The following NR3C1 variants were observed in gnomAD, a reference collection of about 807,000 sequenced individuals.
The protein encoded by NR3C1 is nuclear receptor subfamily 3 group C member 1, also known as glucocorticoid receptor.
NR3C1 carries 14 observed loss-of-function variants against 74.0 expected under a neutral mutation model. The observed-to-expected ratio is 0.19, with a 90% CI of 0.12 to 0.30. NR3C1 has a LOEUF of 0.30. Among genes scored for constraint, NR3C1 ranks in the 10% least tolerant of loss-of-function variants. NR3C1 has a pLI of 1.00. For synonymous variants in NR3C1, 308 were observed against 332.5 expected (o/e 0.93, Z 0.80); for missense variants, 695 against 909.8 (o/e 0.76, Z 3.04).
intron 2 of NR3C1, among the ~76,000 whole-genome samples, chr5:143,362,226 C>T (rs1174060943): frequency 6.6e-6 from 1 of 152,168 alleles, no homozygotes; most frequent in Non-Finnish European, 1.5e-5. Flanking sequence ...GTAAGAACAG[C>T]AAACTCTGTG....
At chr5:143,369,243 T>C (rs762888123) in intron 2 of NR3C1, among the ~76,000 whole-genome samples, 3 of 152,186 alleles carry the variant, frequency 2.0e-5, no homozygotes, top group Non-Finnish European at 4.4e-5. Context: ...ACATTGCTGA[T>C]GGGAGTGTAA....
At chr5:143,425,681 T>C (rs1027252533) in intron 1 of NR3C1, among the ~76,000 whole-genome samples, 2 of 152,132 alleles carry the variant, frequency 1.3e-5, no homozygotes, top group African/African-American at 4.8e-5. Context: ...TATCACTTCA[T>C]ACCCACTAGG....
intron 1 of NR3C1, among the ~76,000 whole-genome samples, chr5:143,423,249 T>C (rs1407261904): frequency 2.0e-5 from 3 of 152,196 alleles, no homozygotes; most frequent in African/African-American, 7.2e-5. Flanking sequence ...AAGGGATTAA[T>C]AAACAGAATA....
intron 2 of NR3C1, among the ~76,000 whole-genome samples, chr5:143,344,766 G>C (rs965188985): frequency 6.6e-6 from 1 of 152,048 alleles, no homozygotes; most frequent in Admixed American, 6.5e-5. Context: ...CCAGCTACTT[G>C]GGAGGCTGAG....
intron 4 of NR3C1, among the ~76,000 whole-genome samples, chr5:143,303,914 C>T (rs1819042691): frequency 1.3e-5 from 2 of 152,104 alleles, no homozygotes; most frequent in African/African-American, 4.8e-5. Context: ...ATTGAAGGAA[C>T]ATACCTCAAA....
chr5:143,399,929 G>C lies in NR3C1; in HGVS notation c.911C>G (p.Ala304Gly). 1.2e-6 allele frequency: 2 copies of C among 1,614,156 alleles called. No individual in the cohort carries two copies. The highest frequency in any genetic ancestry group is 1.1e-5 in the South Asian group (1 of 91,086). Residue 304 changes from alanine to glycine, a missense_variant, in exon 2 of 9, where the codon GCA becomes GGA. Coordinates refer to ENST00000394464, the MANE Select transcript of NR3C1 (RefSeq NM_000176.3). ...AATTATATTTGCTCCAGGAAAGCTT[G>C]CCTGACAGTAAACTGTGCCCAGTTT... The part of the protein sequence containing the change: ...QEKLGTVYCQ[A>G]SFPGANIIGN...
intron 2 of NR3C1, among the ~76,000 whole-genome samples, chr5:143,320,320 T>G (rs1468114771): frequency 1.3e-5 from 2 of 152,242 alleles, no homozygotes; most frequent in Non-Finnish European, 2.9e-5. Context: ...TGCTTTGCAT[T>G]TATTGAGAGA....
At chr5:143,404,316 C>T (rs1840902416), upstream of NR3C1, 5 of 985,670 alleles carry the variant, frequency 5.1e-6, no homozygotes, top group Non-Finnish European at 2.4e-6. Context: ...GGCGGCCTGA[C>T]ACGCCCTCTG....
chr5:143,410,300 A>T (rs532778083), intron 1 of NR3C1, among the ~76,000 whole-genome samples: 1 of 152,074 alleles, frequency 6.6e-6, no homozygotes, highest in Non-Finnish European at 1.5e-5. Flanking sequence ...TTTGGTTCTT[A>T]TATCTTCTTA....
At position 143,400,050 on chromosome 5, in the gene NR3C1, C is replaced by T. The variant is rs772651364; in HGVS notation, c.790G>A (p.Val264Ile). 1.2e-6 allele frequency: 2 copies of T among 1,614,152 alleles called. No individual in the cohort carries two copies. The highest frequency in any genetic ancestry group is 2.2e-5 in the East Asian group (1 of 44,884). ...KPKIKDNGDL[V>I]LSSPSNVTLP... Reference sequence around the variant, plus strand: ...GTTACATTACTGGGGCTTGACAAAACCAGATCTCCATTATCCTTAATTTTG... The same window carrying T: ...GTTACATTACTGGGGCTTGACAAAATCAGATCTCCATTATCCTTAATTTTG... Residue 264 changes from valine (V) to isoleucine (I), a missense_variant, in exon 2 of 9, where the codon GTT (valine) becomes ATT (isoleucine). Physicochemically the swap from Val to Ile is conservative, Grantham distance 29. Transcript: ENST00000394464.
chr5:143,283,068 C>T (rs968729537), intron 7 of NR3C1, among the ~76,000 whole-genome samples: 1 of 152,138 alleles, frequency 6.6e-6, no homozygotes, highest in Non-Finnish European at 1.5e-5. Flanking sequence ...GAGACAGGAT[C>T]TCCCTATGTT....
At chr5:143,348,264 C>T (rs1829654579) in intron 2 of NR3C1, among the ~76,000 whole-genome samples, 1 of 152,154 alleles carries the variant, frequency 6.6e-6, no homozygotes, top group Admixed American at 6.5e-5. Flanking sequence ...TAAACTACAA[C>T]ACTCAGTGAA....
intron 2 of NR3C1, among the ~76,000 whole-genome samples, chr5:143,376,719 C>G (rs149271026): frequency 1.8e-4 from 27 of 152,278 alleles, no homozygotes; most frequent in African/African-American, 6.3e-4. Flanking sequence ...GGTTCTGACC[C>G]TGTAACTCTT....
rs958557616 is a variant in NR3C1 at position 143,432,608 on chromosome 5, G to A, written c.-14+1924C>T. 1.1e-4 allele frequency among the ~76,000 whole-genome samples: 16 copies of A among 152,172 alleles called. 1 individual carries two copies. Among genetic ancestry groups the A allele is most frequent in the Admixed American group, 1.0e-3 (16 of 15,272 alleles). ...AAAATTGGTGAAGTGTGAGATGCTCGGGATGAGTTTGTTTAAACAAAGTAA... is the reference window on the plus strand; with the variant it reads ...AAAATTGGTGAAGTGTGAGATGCTCAGGATGAGTTTGTTTAAACAAAGTAA... On this transcript the variant is annotated intron_variant, in intron 1 of 8. Transcript: ENST00000343796.
At chr5:143,322,271 G>A (rs770217783) in intron 2 of NR3C1, among the ~76,000 whole-genome samples, 25 of 152,220 alleles carry the variant, frequency 1.6e-4, no homozygotes, top group Non-Finnish European at 3.7e-4. Context: ...TTCAAACCCA[G>A]GTCTTTCTGA....
intron 7 of NR3C1, among the ~76,000 whole-genome samples, chr5:143,287,273 A>AATTG (rs1814713973): frequency 6.6e-6 from 1 of 152,084 alleles, no homozygotes; most frequent in Non-Finnish European, 1.5e-5. Context: ...AGACCAACAA[A>AATTG]ATTGATAAAT....
At chr5:143,425,090 T>C (rs1751462556) in intron 1 of NR3C1, among the ~76,000 whole-genome samples, 1 of 152,186 alleles carries the variant, frequency 6.6e-6, no homozygotes, top group Non-Finnish European at 1.5e-5. Flanking sequence ...GAAACCCATA[T>C]GCCTACAGTC....
At chr5:143,368,534 TACACACACACACACACACACACAC>T (rs201482184) in intron 2 of NR3C1, among the ~76,000 whole-genome samples, 1 of 144,960 alleles carries the variant, frequency 6.9e-6, no homozygotes. Context: ...ATATTCTAGA[TACACACACACACACACACACACAC>T]ACACACACAC....
chr5:143,393,511 A>G (rs750774890), intron 2 of NR3C1, among the ~76,000 whole-genome samples: 3 of 152,158 alleles, frequency 2.0e-5, no homozygotes, highest in Non-Finnish European at 4.4e-5. Context: ...CTACTACTGA[A>G]TATCTAAATC....
Sources: gnomAD v4.1 joint callset for allele counts (sites outside exome capture counted in the v4.1 genomes callset) on GRCh38, gnomAD v4.1.1 for gene constraint, MANE v1.5 for transcripts, NCBI Gene and HGNC (gene_info 2026-07-23, HGNC 2026-07-21) for gene names.